Variants in RBM25 observed in about 807,000 individuals in gnomAD.
The protein encoded by RBM25 is RNA binding motif protein 25, also known as RNA-binding protein 25.
RBM25 carries 19 observed loss-of-function variants against 120.7 expected under a neutral mutation model. The ratio of observed to expected loss-of-function variants is 0.16; its 90% CI spans 0.11 to 0.23. The LOEUF is 0.23. Among genes scored for constraint, RBM25 ranks in the 10% least tolerant of loss-of-function variants. The pLI is 1.00. For missense variants in RBM25, 605 were observed against 1,041.5 expected (o/e 0.58, Z 5.77); for synonymous variants, 390 against 326.7 (o/e 1.19, Z -2.09).
chr14:73,061,149 C>T (rs1324246344), intron 1 of RBM25, among the ~76,000 whole-genome samples: 1 of 150,748 alleles, frequency 6.6e-6, no homozygotes, highest in Non-Finnish European at 1.5e-5. Flanking sequence ...CCTCCGCCTC[C>T]CGGGTTCAAG....
At chr14:73,098,478 GTATA>G (rs1054900735) in intron 7 of RBM25, among the ~76,000 whole-genome samples, 1 of 151,982 alleles carries the variant, frequency 6.6e-6, no homozygotes, top group Non-Finnish European at 1.5e-5. Flanking sequence ...GTACTACGTG[GTATA>G]TATATTATGA....
At chr14:73,088,254 A>C in intron 6 of RBM25, 93 bp downstream of exon 6, 2 of 1,467,530 alleles carry the variant, frequency 1.4e-6, no homozygotes, top group Non-Finnish European at 1.9e-6. Context: ...TGGGGCTTCA[A>C]AAGATCATCA....
At chr14:73,113,287 A>G (rs1166968611) in intron 17 of RBM25, among the ~76,000 whole-genome samples, 1 of 151,868 alleles carries the variant, frequency 6.6e-6, no homozygotes, top group African/African-American at 2.4e-5. Context: ...GGGTTTCACC[A>G]TGTTGGCCAG....
intron 18 of RBM25, among the ~76,000 whole-genome samples, chr14:73,117,088 C>T (rs1896444581): frequency 6.6e-6 from 1 of 151,910 alleles, no homozygotes; most frequent in African/African-American, 2.4e-5. Context: ...AGTGTTACAA[C>T]AGAGTTCTTC....
Position 73,122,642 on chromosome 14 carries a change from A to C in RBM25, c.*2837A>C, listed in dbSNP as rs541134535. On this transcript the variant is annotated 3_prime_UTR_variant, in exon 19 of 19. Coordinates refer to ENST00000261973, the MANE Select transcript of RBM25 (RefSeq NM_021239.3). ...AAGTAGTAGAATACTACTTTTCTTT[A>C]TTTGTCCCTAAAAATAAAGTATGTA... is the stretch of plus-strand genomic sequence containing the variant. The C allele has an allele frequency of 1.3e-5, 2 of 152,286 alleles. No homozygotes were observed. Among genetic ancestry groups the C allele is most frequent in the African/African-American group, 4.8e-5 (2 of 41,562 alleles). 9.4% of individuals were successfully genotyped at this position (152,286 alleles called of 1,614,324 possible).
chr14:73,103,542 G>C, intron 10 of RBM25, 64 bp downstream of exon 10: 1 of 1,513,370 alleles, frequency 6.6e-7, no homozygotes, highest in Non-Finnish European at 8.8e-7. Context: ...TAGTCCTCCA[G>C]AGTACCATTT....
chr14:73,068,567 T>G, intron 1 of RBM25: 1 of 605,880 alleles, frequency 1.7e-6, no homozygotes, highest in East Asian at 4.3e-5. Context: ...CTGATGTGCT[T>G]TTGCCAGTGT....
intron 1 of RBM25, among the ~76,000 whole-genome samples, chr14:73,071,418 T>A (rs1895289467): frequency 6.6e-6 from 1 of 152,170 alleles, no homozygotes; most frequent in African/African-American, 2.4e-5. Flanking sequence ...GAGTCTGTCC[T>A]GAACTTCGAT....
intron 4 of RBM25, among the ~76,000 whole-genome samples, chr14:73,082,716 T>C (rs1167403381): frequency 1.3e-5 from 2 of 152,186 alleles, no homozygotes; most frequent in African/African-American, 4.8e-5. Context: ...GCTGTGTATC[T>C]GCATTTTCTT....
chr14:73,070,776 G>A (rs1895268452), intron 1 of RBM25, among the ~76,000 whole-genome samples: 1 of 151,896 alleles, frequency 6.6e-6, no homozygotes, highest in Non-Finnish European at 1.5e-5. Flanking sequence ...GTGAAACCCC[G>A]TCTCTACTAA....
intron 1 of RBM25, among the ~76,000 whole-genome samples, chr14:73,060,804 G>A (rs1176963142): frequency 6.6e-6 from 1 of 151,344 alleles, no homozygotes; most frequent in Non-Finnish European, 1.5e-5. Flanking sequence ...TCTTTCACCA[G>A]ATTCCTCAAA....
At chr14:73,097,195 T>TTTTTC in intron 7 of RBM25, 95 bp downstream of exon 7, 1 of 384,312 alleles carries the variant, frequency 2.6e-6, no homozygotes, top group Non-Finnish European at 3.5e-6. Context: ...TTTTTTCTTT[T>TTTTTC]CTTTTTTTTT....
At chr14:73,079,855 AT>A (rs1388880550) in intron 4 of RBM25, among the ~76,000 whole-genome samples, 1 of 150,302 alleles carries the variant, frequency 6.7e-6, no homozygotes, top group Non-Finnish European at 1.5e-5. Flanking sequence ...GCCTGACTCC[AT>A]TTTTATTCTT....
chr14:73,072,462 A>G (rs1351660353), intron 2 of RBM25, among the ~76,000 whole-genome samples: 2 of 152,234 alleles, frequency 1.3e-5, no homozygotes, highest in Non-Finnish European at 2.9e-5. Flanking sequence ...TTAAAAGTGT[A>G]TATTATAAGT....
At chr14:73,081,226 G>A (rs1421755442) in intron 4 of RBM25, among the ~76,000 whole-genome samples, 2 of 124,612 alleles carry the variant, frequency 1.6e-5, no homozygotes, top group African/African-American at 5.3e-5. Flanking sequence ...TGCAACCTCC[G>A]CCTCCCGGGT....
At chr14:73,098,609 C>A (rs1895998048) in intron 7 of RBM25, among the ~76,000 whole-genome samples, 1 of 151,930 alleles carries the variant, frequency 6.6e-6, no homozygotes, top group Non-Finnish European at 1.5e-5. Flanking sequence ...GTATGTGTTT[C>A]CTCGTTTGGT....
chr14:73,066,923 G>C (rs2140422635), intron 1 of RBM25, among the ~76,000 whole-genome samples: 1 of 152,232 alleles, frequency 6.6e-6, no homozygotes, highest in Admixed American at 6.5e-5. Flanking sequence ...TTTTACTTAT[G>C]AAATTGTGAG....
rs556483645 is a variant in RBM25 at position 73,112,351 on chromosome 14, T to C, written c.2391+101T>C. The C allele has an allele frequency of 2.8e-5, 32 of 1,156,636 alleles. 1 individual carries two copies. The South Asian group carries it at 5.3e-4, about 19-fold the overall frequency. The allele number at this position is 1,156,636 out of a possible 1,614,324, so 71.6% of individuals were successfully genotyped here. ...AATTTTACAGAGTCAAGTTCCATGA[T>C]GGTTTAGGTTCAGTTAAGTGATTTA... On this transcript the variant is annotated intron_variant, in intron 17 of 18. Transcript: ENST00000261973.
intron 10 of RBM25, among the ~76,000 whole-genome samples, chr14:73,103,717 T>A (rs1896101522): frequency 6.6e-6 from 1 of 151,994 alleles, no homozygotes; most frequent in South Asian, 2.1e-4. Context: ...CATGCCCAGC[T>A]AATTTTTTGT....
Sources: gnomAD v4.1 joint callset for allele counts (sites outside exome capture counted in the v4.1 genomes callset) on GRCh38, gnomAD v4.1.1 for gene constraint, MANE v1.5 for transcripts, NCBI Gene and HGNC (gene_info 2026-07-23, HGNC 2026-07-21) for gene names.